PRDM16: variants seen among roughly 807,000 people sequenced by gnomAD.
The protein encoded by PRDM16 is histone-lysine N-methyltransferase PRDM16.
Under a neutral mutation model 110.6 loss-of-function variants are expected in PRDM16, and 23 were observed. That is an observed-to-expected ratio of 0.21 (90% CI 0.15 to 0.29). The LOEUF (loss-of-function observed/expected upper bound fraction) is 0.29. Ranked by LOEUF, PRDM16 falls within the 10% of genes least tolerant of loss-of-function variation. The probability of loss-of-function intolerance (pLI) is 1.00; values close to 1 mark genes in which losing one functional copy is unlikely to be tolerated. For missense variants in PRDM16, 1,615 were observed against 1,794.3 expected, an observed-to-expected ratio of 0.90 and a Z score of 1.81; for synonymous variants, 799 against 781.8, an observed-to-expected ratio of 1.02 and a Z score of -0.37.
intron 3 of PRDM16, chr1:3,308,091 G>C (rs1338477351): frequency 6.6e-6 from 1 of 152,236 alleles, no homozygotes; most frequent in Non-Finnish European, 1.5e-5. Context: ...GCACTGCTCA[G>C]CTTTGGATCA....
At chr1:3,432,627 G>A (rs893243312) in intron 16 of PRDM16, among the ~76,000 whole-genome samples, 5 of 152,176 alleles carry the variant, frequency 3.3e-5, no homozygotes, top group Non-Finnish European at 2.9e-5. Context: ...CTCAGGGTAG[G>A]TGGCCCCAGG....
At position 3,081,709 on chromosome 1, in the gene PRDM16, T is replaced by C. The variant is rs574650301; in HGVS notation, c.37+12413T>C. Among the ~76,000 whole-genome samples, 13 of 151,970 alleles carry C rather than the reference T, an allele frequency of 8.6e-5. No individual in the cohort carries two copies. Among genetic ancestry groups the C allele is most frequent in the Non-Finnish European group, 1.5e-4 (10 of 67,982 alleles). ...CACAGCCGCTTCCCACCCCTGGGTG[T>C]CGGTCACTAGAGAGTGGGTAGAGCC... On this transcript the variant is annotated intron_variant, in intron 1 of 16. Transcript: ENST00000270722. The surrounding 1 kb of genome is among the most constrained non-coding windows in gnomAD (Gnocchi z 4.6).
intron 2 of PRDM16, among the ~76,000 whole-genome samples, chr1:3,224,688 G>T (rs1051974844): frequency 7.9e-5 from 12 of 152,270 alleles, no homozygotes; most frequent in African/African-American, 2.9e-4. Flanking sequence ...GGGATGATGA[G>T]GTGGAGGAAT....
At chr1:3,203,192 G>T (rs1213298003) in intron 2 of PRDM16, among the ~76,000 whole-genome samples, 1 of 152,230 alleles carries the variant, frequency 6.6e-6, no homozygotes, top group Non-Finnish European at 1.5e-5. Context: ...TTTTCTCAAA[G>T]AAGTTAGGCT....
intron 3 of PRDM16, among the ~76,000 whole-genome samples, chr1:3,337,281 G>A (rs568301213): frequency 2.6e-4 from 40 of 152,256 alleles, no homozygotes; most frequent in Non-Finnish European, 3.8e-4. Context: ...ATCCCACTGT[G>A]AATTCTAATT....
At position 3,370,211 on chromosome 1, in the gene PRDM16, C is replaced by T. The variant is rs1342751584; in HGVS notation, c.439-14941C>T. Among the ~76,000 whole-genome samples the T allele has an allele frequency of 6.6e-6, 1 of 152,158 alleles. No homozygotes were observed. The highest frequency in any genetic ancestry group is 2.4e-5 in the African/African-American group (1 of 41,436). ...GGGGAGACTGGCCACTGTGACACTG[C>T]ACCTAGGGGAAAATTGCAACCATAA... On this transcript the variant is annotated intron_variant, in intron 3 of 16. Transcript: ENST00000270722. The surrounding 1 kb of genome is among the most constrained non-coding windows in gnomAD (Gnocchi z 4.8).
chr1:3,109,771 T>G (rs1024958471), intron 1 of PRDM16, among the ~76,000 whole-genome samples: 1 of 152,212 alleles, frequency 6.6e-6, no homozygotes, highest in African/African-American at 2.4e-5. Context: ...AAAGCCAAAT[T>G]TCCCCCCAAA....
At chr1:3,272,033 T>C (rs1275354528) in intron 3 of PRDM16, among the ~76,000 whole-genome samples, 1 of 152,098 alleles carries the variant, frequency 6.6e-6, no homozygotes, top group African/African-American at 2.4e-5. Flanking sequence ...GCTGCCTGGG[T>C]TGGGACACGG....
intron 2 of PRDM16, among the ~76,000 whole-genome samples, chr1:3,232,052 C>T (rs72632106): frequency 0.052 from 7,951 of 152,318 alleles, 283 homozygotes; most frequent in South Asian, 0.075. Flanking sequence ...GCTGCCTTCA[C>T]GCACGGTGGT....
intron 1 of PRDM16, among the ~76,000 whole-genome samples, chr1:3,083,430 G>A (rs909693753): frequency 1.3e-5 from 2 of 152,232 alleles, no homozygotes; most frequent in Non-Finnish European, 2.9e-5. Flanking sequence ...GGGCTGACCT[G>A]GAAGCTGTGC....
chr1:3,095,877 C>T (rs548733443), intron 1 of PRDM16, among the ~76,000 whole-genome samples: 46 of 152,212 alleles, frequency 3.0e-4, no homozygotes, highest in African/African-American at 1.1e-3. Context: ...TCCTCATGCT[C>T]AGAGGGTGGC....
chr1:3,273,552 A>C (rs1640508889), intron 3 of PRDM16, among the ~76,000 whole-genome samples: 1 of 152,000 alleles, frequency 6.6e-6, no homozygotes, highest in South Asian at 2.1e-4. Context: ...TGGGGGCTGC[A>C]TATATAAGGG....
At chr1:3,334,434 G>A (rs1278655056) in intron 3 of PRDM16, among the ~76,000 whole-genome samples, 2 of 151,886 alleles carry the variant, frequency 1.3e-5, no homozygotes, top group Admixed American at 1.3e-4. Flanking sequence ...AGCCCCAGAT[G>A]TCACTAGGGT....
chr1:3,356,425 C>G (rs972751006), intron 3 of PRDM16, among the ~76,000 whole-genome samples: 4 of 152,354 alleles, frequency 2.6e-5, no homozygotes, highest in African/African-American at 9.6e-5. Flanking sequence ...AATCTGCCCT[C>G]CGGGGAGACG....
At chr1:3,093,153 A>T (rs1046056822) in intron 1 of PRDM16, among the ~76,000 whole-genome samples, 3 of 152,104 alleles carry the variant, frequency 2.0e-5, no homozygotes, top group Non-Finnish European at 4.4e-5. Flanking sequence ...ACCCCTTCAT[A>T]CTGTTTTCCT....
At chr1:3,198,521 C>T (rs191427812) in intron 2 of PRDM16, among the ~76,000 whole-genome samples, 3 of 152,368 alleles carry the variant, frequency 2.0e-5, no homozygotes, top group Admixed American at 1.3e-4. Context: ...GAGTGCTTGG[C>T]GTGGCACTGG....
At chr1:3,115,517 C>T (rs1642936393) in intron 1 of PRDM16, among the ~76,000 whole-genome samples, 1 of 152,238 alleles carries the variant, frequency 6.6e-6, no homozygotes, top group Admixed American at 6.5e-5. Context: ...GGAGCGCCAG[C>T]CTAGCGAGTG....
chr1:3,167,030 C>T, intron 1 of PRDM16, among the ~76,000 whole-genome samples: 1 of 152,200 alleles, frequency 6.6e-6, no homozygotes, highest in Non-Finnish European at 1.5e-5. Context: ...CCTCCATCCC[C>T]AGAAGGACTC....
Position 3,333,361 on chromosome 1 carries a change from C to T in PRDM16, c.439-51791C>T, listed in dbSNP as rs117342674. ...CTGGAGAAGGGGCCACTTCCCACAA[C>T]GGGGAGGCTGAGCAGGGCCAGTGCT... is the stretch of plus-strand genomic sequence containing the variant. On this transcript the variant is annotated intron_variant, in intron 3 of 16. Coordinates refer to ENST00000270722, the MANE Select transcript of PRDM16 (RefSeq NM_022114.4). 5.5e-3 allele frequency among the ~76,000 whole-genome samples: 841 copies of T among 152,200 alleles called. 29 individuals carry two copies. The highest frequency in any genetic ancestry group is 0.047 in the Admixed American group (723 of 15,282).
Sources: gnomAD v4.1 joint callset for allele counts (sites outside exome capture counted in the v4.1 genomes callset) on GRCh38, gnomAD v4.1.1 for gene constraint, Gnocchi (gnomAD v3.1) non-coding constraint, MANE v1.5 for transcripts, NCBI Gene and HGNC (gene_info 2026-07-23, HGNC 2026-07-21) for gene names.